The following WDR3 variants were observed in gnomAD, a reference collection of about 807,000 sequenced individuals.
The protein encoded by WDR3 is WD repeat domain 3.
A neutral mutation model predicts 123.7 loss-of-function variants in WDR3; 81 were observed. The ratio of observed to expected loss-of-function variants is 0.65; its 90% CI spans 0.55 to 0.79. WDR3 has a LOEUF of 0.79. Among genes scored for constraint, WDR3 ranks in the 30% least tolerant of loss-of-function variants. The pLI, the probability that WDR3 is intolerant of heterozygous loss-of-function variation, is 0.00. For missense variants in WDR3, 1,027 were observed against 1,123.2 expected (o/e 0.91, Z 1.22); for synonymous variants, 390 against 388.8 (o/e 1.00, Z -0.04).
intron 13 of WDR3, 128 bp downstream of exon 13, chr1:117,948,634 A>C: frequency 1.9e-6 from 1 of 528,512 alleles, no homozygotes; most frequent in Non-Finnish European, 3.1e-6. Context: ...TTTGTATATG[A>C]TGCCTTCTTA....
At position 117,938,674 on chromosome 1, in the gene WDR3, T is replaced by C. The variant is rs2101198345; in HGVS notation, c.579+116T>C. 7.1e-6 allele frequency: 6 copies of C among 850,032 alleles called. No individual in the cohort carries two copies. In the East Asian group the frequency reaches 1.1e-4, roughly 16 times the overall value. 52.7% of individuals were successfully genotyped at this position (850,032 alleles called of 1,614,324 possible). A position where few individuals can be genotyped will look rare whatever the true frequency, so the allele number is the denominator to read the frequency against. ...TTTAGTGCACACAGTAATTATCATATGCCATCTTGAGGGACAGTGAGGCTG... is the reference window on the plus strand; with the variant it reads ...TTTAGTGCACACAGTAATTATCATACGCCATCTTGAGGGACAGTGAGGCTG... On this transcript the variant is annotated intron_variant, in intron 5 of 26. Coordinates refer to ENST00000349139, the MANE Select transcript of WDR3 (RefSeq NM_006784.3).
intron 3 of WDR3, among the ~76,000 whole-genome samples, chr1:117,935,914 CTT>C (rs922337302): frequency 1.5e-4 from 23 of 151,944 alleles, no homozygotes; most frequent in African/African-American, 5.5e-4. Context: ...CTATTAATAA[CTT>C]ACAGTCAAAT....
intron 22 of WDR3, 77 bp from the exon 23 acceptor site, chr1:117,954,503 A>T: frequency 7.3e-7 from 1 of 1,379,066 alleles, no homozygotes; most frequent in Admixed American, 2.1e-5. Flanking sequence ...TATAAAATAC[A>T]GTTACCACTC....
At chr1:117,942,355 G>A in intron 9 of WDR3, 82 bp from the exon 10 acceptor site, 3 of 1,136,846 alleles carry the variant, frequency 2.6e-6, no homozygotes, top group Non-Finnish European at 3.9e-6. Flanking sequence ...TGTTGGTCAA[G>A]GGGCCAGATT....
rs1650853234 is a variant in WDR3 at position 117,934,624 on chromosome 1, C to T, written c.323C>T (p.Ala108Val). The T allele has an allele frequency of 6.2e-7, 1 of 1,613,916 alleles. No homozygotes were observed. Among genetic ancestry groups the T allele is most frequent in the Admixed American group, 1.7e-5 (1 of 60,006 alleles). The change falls in exon 3 of 27, where the codon GCA (alanine) becomes GTA (valine). Residue 108 changes from alanine (A) to valine (V), a missense_variant. Coordinates refer to ENST00000349139, the MANE Select transcript of WDR3 (RefSeq NM_006784.3). ...EGNVTFNGHK[A>V]AITTLKYDQL... ...AATGTGACCTTCAATGGTCACAAAG[C>T]AGCTATCACTACCTTGAAGTATGAT... is the stretch of plus-strand genomic sequence containing the variant.
At position 117,952,518 on chromosome 1, in the gene WDR3, T is replaced by TC; in HGVS notation, c.2017-9dup. On this transcript the variant is annotated splice_polypyrimidine_tract_variant and intron_variant, in intron 18 of 26. Coordinates refer to ENST00000349139, the MANE Select transcript of WDR3 (RefSeq NM_006784.3). ...AATGAGGTATTCTTTATTTTTTTTTTCTCCTCCAGGGTCATCACCAGGAAA... is the reference window on the plus strand; with the variant it reads ...AATGAGGTATTCTTTATTTTTTTTTTCCTCCTCCAGGGTCATCACCAGGAAA... 1.9e-6 allele frequency: 3 copies of TC among 1,597,124 alleles called. No individual in the cohort carries two copies. Among genetic ancestry groups the TC allele is most frequent in the Non-Finnish European group, 2.6e-6 (3 of 1,174,912 alleles).
At chr1:117,957,264 G>A in intron 25 of WDR3, 68 bp downstream of exon 25, 1 of 1,521,916 alleles carries the variant, frequency 6.6e-7, no homozygotes. Context: ...CTTAACTGAA[G>A]CTGTCAACAC....
chr1:117,957,266 T>G, intron 25 of WDR3, 70 bp downstream of exon 25: 1 of 1,499,206 alleles, frequency 6.7e-7, no homozygotes, highest in South Asian at 1.3e-5. Flanking sequence ...TAACTGAAGC[T>G]GTCAACACTT....
At chr1:117,935,313 T>G (rs1003634023) in intron 3 of WDR3, among the ~76,000 whole-genome samples, 2 of 152,122 alleles carry the variant, frequency 1.3e-5, no homozygotes, top group African/African-American at 4.8e-5. Flanking sequence ...AGTTGTTACT[T>G]AGAACTTGAC....
intron 5 of WDR3, among the ~76,000 whole-genome samples, chr1:117,939,039 C>T (rs527481771): frequency 2.0e-5 from 3 of 152,146 alleles, no homozygotes; most frequent in Non-Finnish European, 4.4e-5. Flanking sequence ...AGATTAAATT[C>T]TTTGTTGATT....
At chr1:117,948,192 A>C (rs574514827) in intron 12 of WDR3, among the ~76,000 whole-genome samples, 1 of 152,250 alleles carries the variant, frequency 6.6e-6, no homozygotes, top group Non-Finnish European at 1.5e-5. Context: ...ACACTATGGT[A>C]GCCCTGCCAA....
intron 19 of WDR3, 23 bp from the exon 20 acceptor site, chr1:117,952,923 A>C: frequency 6.2e-7 from 1 of 1,611,818 alleles, no homozygotes; most frequent in Non-Finnish European, 8.5e-7. Context: ...CTCTCAAATT[A>C]ATGTATATCT....
rs983051531 is a variant in WDR3 at position 117,955,159 on chromosome 1, T to G, written c.2410-156T>G. The G allele has an allele frequency of 1.0e-4, 57 of 565,176 alleles. No homozygotes were observed. In the East Asian group the frequency reaches 1.7e-3, roughly 17 times the overall value. 35.0% of individuals were successfully genotyped at this position (565,176 alleles called of 1,614,324 possible). ...GGCAGAGTTCAGTTGTCAACCCAGA[T>G]CTGACTGACTCTAAACTCATGCAGA... On this transcript the variant is annotated intron_variant, in intron 23 of 26. Coordinates refer to ENST00000349139, the MANE Select transcript of WDR3 (RefSeq NM_006784.3).
chr1:117,957,396 TCTTG>T (rs1178589419), intron 25 of WDR3, among the ~76,000 whole-genome samples, 200 bp downstream of exon 25: 2 of 152,080 alleles, frequency 1.3e-5, no homozygotes, highest in African/African-American at 4.8e-5. Context: ...AAGCAATCAG[TCTTG>T]CCTTTAAAAC....
At chr1:117,954,156 A>G (rs1651816860) in intron 22 of WDR3, 57 bp downstream of exon 22, 2 of 1,462,560 alleles carry the variant, frequency 1.4e-6, no homozygotes, top group Middle Eastern at 1.8e-4. Context: ...CAAGGAGAAA[A>G]ACCATTGTTT....
intron 12 of WDR3, 96 bp downstream of exon 12, chr1:117,946,275 G>A: frequency 1.1e-6 from 1 of 904,396 alleles, no homozygotes; most frequent in South Asian, 2.2e-5. Flanking sequence ...ATTGGAAATG[G>A]ACTGGAGCTA....
intron 24 of WDR3, among the ~76,000 whole-genome samples, chr1:117,955,996 T>C (rs561246635): frequency 6.6e-6 from 1 of 152,328 alleles, no homozygotes; most frequent in Non-Finnish European, 1.5e-5. Flanking sequence ...AGGGTGATTA[T>C]ACTGATTTTT....
chr1:117,941,998 A>C, intron 9 of WDR3, 151 bp downstream of exon 9: 1 of 1,294,472 alleles, frequency 7.7e-7, no homozygotes, highest in South Asian at 1.8e-5. Context: ...CAAATTTGTC[A>C]AGTCTCAGAG....
intron 23 of WDR3, among the ~76,000 whole-genome samples, chr1:117,954,905 T>G (rs74114929): frequency 0.025 from 3,761 of 152,256 alleles, 153 homozygotes; most frequent in African/African-American, 0.084. Flanking sequence ...CTGAAGATTC[T>G]GTTAATCTAA....
Sources: gnomAD v4.1 joint callset for allele counts (sites outside exome capture counted in the v4.1 genomes callset) on GRCh38, gnomAD v4.1.1 for gene constraint, MANE v1.5 for transcripts, NCBI Gene and HGNC (gene_info 2026-07-23, HGNC 2026-07-21) for gene names.